RSU1: variants seen among roughly 807,000 people sequenced by gnomAD.
RSU1 encodes rsu-1.
RSU1 carries 26 observed loss-of-function variants against 31.1 expected under a neutral mutation model. The observed-to-expected ratio is 0.84, with a 90% CI of 0.61 to 1.16. RSU1 has a LOEUF of 1.16. RSU1 is among the 50% of genes most tolerant of loss of function. The pLI, the probability that RSU1 is intolerant of heterozygous loss-of-function variation, is 0.00. For missense variants in RSU1, 320 were observed against 339.1 expected, an observed-to-expected ratio of 0.94 and a Z score of 0.44; for synonymous variants, 164 against 136.3, an observed-to-expected ratio of 1.20 and a Z score of -1.41.
intron 7 of RSU1, among the ~76,000 whole-genome samples, chr10:16,718,215 C>T (rs1836183051): frequency 6.6e-6 from 1 of 152,008 alleles, no homozygotes; most frequent in East Asian, 1.9e-4. Flanking sequence ...ACAGCATTTT[C>T]CATACCCAAA....
At chr10:16,736,568 CA>C (rs1450411411) in intron 7 of RSU1, among the ~76,000 whole-genome samples, 1 of 151,812 alleles carries the variant, frequency 6.6e-6, no homozygotes, top group African/African-American at 2.4e-5. Flanking sequence ...TAAAAAAAGA[CA>C]AAAAGAATTC....
At chr10:16,602,190 C>T (rs1248605978) in intron 8 of RSU1, among the ~76,000 whole-genome samples, 1 of 152,184 alleles carries the variant, frequency 6.6e-6, no homozygotes, top group Non-Finnish European at 1.5e-5. Flanking sequence ...ATTCTGCCAT[C>T]ACAAAGCCCT....
chr10:16,693,179 C>T (rs1168590189), intron 8 of RSU1, among the ~76,000 whole-genome samples: 10 of 152,186 alleles, frequency 6.6e-5, no homozygotes, highest in Admixed American at 6.5e-4. Context: ...TCTCAAACTC[C>T]TGACCTCAAG....
At chr10:16,793,724 G>T (rs1011338402) in intron 2 of RSU1, among the ~76,000 whole-genome samples, 1 of 152,026 alleles carries the variant, frequency 6.6e-6, no homozygotes, top group African/African-American at 2.4e-5. Context: ...GTGGGACAGG[G>T]ATAGAATATG....
intron 8 of RSU1, among the ~76,000 whole-genome samples, chr10:16,688,480 G>A (rs1835479137): frequency 6.6e-6 from 1 of 152,104 alleles, no homozygotes; most frequent in African/African-American, 2.4e-5. Context: ...GTGGTAGCGA[G>A]CGCCTGCAGT....
chr10:16,700,035 G>C (rs1835756369), intron 7 of RSU1, among the ~76,000 whole-genome samples: 1 of 152,160 alleles, frequency 6.6e-6, no homozygotes, highest in Non-Finnish European at 1.5e-5. Flanking sequence ...GAATGCAATA[G>C]ACAATTGCAG....
At chr10:16,605,336 G>T (rs950176261) in intron 8 of RSU1, among the ~76,000 whole-genome samples, 1 of 152,112 alleles carries the variant, frequency 6.6e-6, no homozygotes, top group African/African-American at 2.4e-5. Context: ...CTGATAGAAG[G>T]TTCATTCCTA....
chr10:16,752,487 A>T, intron 7 of RSU1, 52 bp downstream of exon 7: 1 of 1,336,284 alleles, frequency 7.5e-7, no homozygotes, highest in Non-Finnish European at 1.1e-6. Flanking sequence ...CTACATTAGG[A>T]TAATTGTTAT....
chr10:16,676,506 A>G (rs1835235049), intron 8 of RSU1, among the ~76,000 whole-genome samples: 2 of 152,204 alleles, frequency 1.3e-5, no homozygotes. Context: ...TATGGAAGCT[A>G]CAATTCAAGA....
chr10:16,669,469 C>G (rs1835065774), intron 8 of RSU1, among the ~76,000 whole-genome samples: 1 of 152,120 alleles, frequency 6.6e-6, no homozygotes, highest in Admixed American at 6.6e-5. Context: ...TGTTTGGCTA[C>G]TTACCCACCC....
At chr10:16,738,360 A>T (rs1022683397) in intron 7 of RSU1, among the ~76,000 whole-genome samples, 1 of 152,176 alleles carries the variant, frequency 6.6e-6, no homozygotes, top group Admixed American at 6.5e-5. Flanking sequence ...CTGAGGCAGG[A>T]GAATGACGTG....
At chr10:16,660,402 T>A (rs1165554456) in intron 8 of RSU1, among the ~76,000 whole-genome samples, 1 of 152,154 alleles carries the variant, frequency 6.6e-6, no homozygotes, top group Admixed American at 6.5e-5. Context: ...TCAAACAGCA[T>A]CCATGAAACT....
At chr10:16,692,165 C>T (rs992805456) in intron 8 of RSU1, among the ~76,000 whole-genome samples, 5 of 152,100 alleles carry the variant, frequency 3.3e-5, no homozygotes, top group Middle Eastern at 3.2e-3. Flanking sequence ...CTACGCCAAC[C>T]CCCCAAAATA....
At chr10:16,671,774 T>C (rs10904785) in intron 8 of RSU1, among the ~76,000 whole-genome samples, 43,858 of 151,018 alleles carry the variant, frequency 0.29, 6,656 homozygotes, top group African/African-American at 0.38. Flanking sequence ...TACAGGCACA[T>C]ACCACCATGC....
At chr10:16,698,647 T>C (rs1326595269) in intron 7 of RSU1, among the ~76,000 whole-genome samples, 19 of 152,212 alleles carry the variant, frequency 1.2e-4, no homozygotes, top group Admixed American at 1.2e-3. Context: ...ATTTAGGTGC[T>C]GTCAGTGGAG....
At chr10:16,748,672 TTCAC>T (rs1392504734) in intron 7 of RSU1, among the ~76,000 whole-genome samples, 2 of 152,060 alleles carry the variant, frequency 1.3e-5, no homozygotes, top group Admixed American at 6.5e-5. Flanking sequence ...CTCTCTCCCC[TTCAC>T]TCACTCTGTT....
intron 8 of RSU1, among the ~76,000 whole-genome samples, chr10:16,595,887 T>G (rs1019487261): frequency 6.6e-6 from 1 of 151,976 alleles, no homozygotes; most frequent in Non-Finnish European, 1.5e-5. Context: ...CAGAATTACT[T>G]GAACCTGGGA....
intron 3 of RSU1, among the ~76,000 whole-genome samples, chr10:16,773,219 A>AG (rs2131638974): frequency 6.6e-6 from 1 of 152,018 alleles, no homozygotes; most frequent in African/African-American, 2.4e-5. Context: ...AAAAAAAAAA[A>AG]GAAAAGGAAT....
chr10:16,790,612 G>C (rs75108835), intron 2 of RSU1, among the ~76,000 whole-genome samples: 3 of 152,130 alleles, frequency 2.0e-5, no homozygotes, highest in Non-Finnish European at 4.4e-5. Context: ...ATGAAAAACA[G>C]GGAAGGCATA....
Sources: gnomAD v4.1 joint callset for allele counts (sites outside exome capture counted in the v4.1 genomes callset) on GRCh38, gnomAD v4.1.1 for gene constraint, MANE v1.5 for transcripts, NCBI Gene and HGNC (gene_info 2026-07-23, HGNC 2026-07-21) for gene names.